The following EXOC3L2 variants were observed in gnomAD, a reference collection of about 807,000 sequenced individuals.
EXOC3L2 encodes exocyst complex component 3 like 2, also known as exocyst complex component 3-like protein 2.
In EXOC3L2, 17 loss-of-function variants were observed where a neutral mutation model predicts 44.4. That is an observed-to-expected ratio of 0.38 (90% CI 0.26 to 0.57). The LOEUF (loss-of-function observed/expected upper bound fraction) is 0.57, where lower values mean the gene tolerates loss of function less well. EXOC3L2 is among the 20% of genes least tolerant of loss of function. The pLI is 0.65. For missense variants in EXOC3L2, 541 were observed against 588.4 expected, an observed-to-expected ratio of 0.92 and a Z score of 0.83; for synonymous variants, 256 against 253.7, an observed-to-expected ratio of 1.01 and a Z score of -0.09.
At chr19:45,219,868 T>A in intron 8 of EXOC3L2, among the ~76,000 whole-genome samples, 1 of 152,078 alleles carries the variant, frequency 6.6e-6, no homozygotes, top group Non-Finnish European at 1.5e-5. Flanking sequence ...GCCAGGCGGA[T>A]CTCATTGGAA....
rs751543675 is a variant in EXOC3L2 at position 45,227,752 on chromosome 19, C to T, written c.1493G>A (p.Arg498Gln). The T allele has an allele frequency of 6.2e-6, 10 of 1,612,122 alleles. No homozygotes were observed. Among genetic ancestry groups the T allele is most frequent in the East Asian group, 4.5e-5 (2 of 44,852 alleles). The change falls in exon 7 of 12, where the codon CGA becomes CAA. Residue 498 changes from arginine (R) to glutamine (Q), a missense_variant. Physicochemically the swap from Arg to Gln is conservative, Grantham distance 43. Coordinates refer to ENST00000413988, the MANE Select transcript of EXOC3L2 (RefSeq NM_001382422.1). ...CCGGACTGCTGGGTTCTCATGGAAT[C>T]GCTCCACACGCTGCTGGAAGCTGGT... Reference protein sequence around the residue: ...FLQSFQQRVERFHENPAVREM... With the variant: ...FLQSFQQRVEQFHENPAVREM...
chr19:45,223,345 G>GT (rs918433764), intron 8 of EXOC3L2, among the ~76,000 whole-genome samples: 58 of 150,256 alleles, frequency 3.9e-4, no homozygotes, highest in African/African-American at 1.3e-3. Flanking sequence ...AGGGGCTTCT[G>GT]TTTTTTTGTT....
chr19:45,243,214 T>G (rs929642648), intron 1 of EXOC3L2, among the ~76,000 whole-genome samples: 1 of 152,222 alleles, frequency 6.6e-6, no homozygotes, highest in Non-Finnish European at 1.5e-5. Flanking sequence ...ATATGAATTG[T>G]GTAAAGGGTC....
At chr19:45,239,688 G>A (rs1190565952) in intron 1 of EXOC3L2, among the ~76,000 whole-genome samples, 1 of 151,752 alleles carries the variant, frequency 6.6e-6, no homozygotes, top group African/African-American at 2.4e-5. Flanking sequence ...ACAAGGCTAA[G>A]TTTTATATTT....
At chr19:45,215,774 C>T (rs1176597854) in intron 11 of EXOC3L2, among the ~76,000 whole-genome samples, 3 of 152,168 alleles carry the variant, frequency 2.0e-5, no homozygotes, top group Non-Finnish European at 4.4e-5. Flanking sequence ...GAGTCCCCTG[C>T]GGCTCCCCTG....
At position 45,234,315 on chromosome 19, in the gene EXOC3L2, G is replaced by C. The variant is rs1420099748; in HGVS notation, c.1035C>G (p.Phe345Leu). ...CGTGGTAGCCGCGCAGGTAGACGCC[G>C]AAGGCGCCCAGGCCGGCGGGGTAGG... ...APAYPAGLGA[F>L]GVYLRGYHGA... The change falls in exon 3 of 12, where the codon TTC (phenylalanine) becomes TTG (leucine). Residue 345 changes from phenylalanine (F) to leucine (L), a missense_variant. By Grantham distance (22) the Phe-to-Leu change is conservative. Transcript: ENST00000413988. The surrounding 1 kb of genome is among the most constrained non-coding windows in gnomAD (Gnocchi z 5.0). 5.2e-6 allele frequency: 2 copies of C among 383,420 alleles called. No individual in the cohort carries two copies. The highest frequency in any genetic ancestry group is 9.0e-5 in the Admixed American group (2 of 22,114). 23.8% of individuals were successfully genotyped at this position (383,420 alleles called of 1,614,324 possible).
intron 8 of EXOC3L2, among the ~76,000 whole-genome samples, chr19:45,221,025 C>T (rs1332646306): frequency 7.3e-6 from 1 of 136,966 alleles, no homozygotes; most frequent in Admixed American, 7.8e-5. Flanking sequence ...GGGTCTCTCC[C>T]TGAGACAGGG....
intron 7 of EXOC3L2, among the ~76,000 whole-genome samples, chr19:45,225,969 T>C (rs1028837389): frequency 6.6e-6 from 1 of 152,196 alleles, no homozygotes; most frequent in African/African-American, 2.4e-5. Context: ...AATGGTAGAA[T>C]AGTATACCCA....
rs1599761505 is a variant in EXOC3L2 at position 45,220,722 on chromosome 19, G to A, written c.1720-2403C>T. Among the ~76,000 whole-genome samples the A allele has an allele frequency of 2.6e-5, 4 of 151,954 alleles. No individual in the cohort carries two copies. In the South Asian group the frequency reaches 8.3e-4, roughly 32 times the overall value. ...CATGGCCTCCTGGGCTTGGGGAGAA[G>A]CCCCAGCTTTCTCCTGAGGGCACTA... On this transcript the variant is annotated intron_variant, in intron 8 of 11. Coordinates refer to ENST00000413988, the MANE Select transcript of EXOC3L2 (RefSeq NM_001382422.1).
At chr19:45,226,597 C>T (rs2122972166) in intron 7 of EXOC3L2, among the ~76,000 whole-genome samples, 1 of 151,924 alleles carries the variant, frequency 6.6e-6, no homozygotes, top group South Asian at 2.1e-4. Flanking sequence ...CCATCATGCC[C>T]AGCTAATTTT....
chr19:45,213,674 G>A (rs913403823), intron 11 of EXOC3L2, among the ~76,000 whole-genome samples: 5 of 152,092 alleles, frequency 3.3e-5, no homozygotes, highest in South Asian at 2.1e-4. Flanking sequence ...GCTGGGTGCC[G>A]TGGCTCATGC....
chr19:45,237,994 T>G (rs898305807), intron 2 of EXOC3L2, among the ~76,000 whole-genome samples: 5 of 151,854 alleles, frequency 3.3e-5, no homozygotes, highest in Non-Finnish European at 5.9e-5. Context: ...AGTACAAAAA[T>G]TATCCAGGTG....
chr19:45,234,145 G>A lies in EXOC3L2; in HGVS notation c.1157+48C>T, dbSNP rs1274199309. The A allele has an allele frequency of 3.6e-5, 14 of 387,964 alleles. No individual in the cohort carries two copies. Among genetic ancestry groups the A allele is most frequent in the East Asian group, 1.1e-4 (3 of 27,220 alleles). The allele number at this position is 387,964 out of a possible 1,614,324, so 24.0% of individuals were successfully genotyped here. A position where few individuals can be genotyped will look rare whatever the true frequency, so the allele number is the denominator to read the frequency against. ...GGTCTGAAGAAGCCAGTGCTAGGGG[G>A]TAGGGCTGAGGGTTTCACGTGACCT... On this transcript the variant is annotated intron_variant, in intron 3 of 11. Coordinates refer to ENST00000413988, the MANE Select transcript of EXOC3L2 (RefSeq NM_001382422.1). This position sits in a 1 kb window ranked among gnomAD's most constrained non-coding sequence, Gnocchi z 5.0.
chr19:45,213,008 A>G lies in EXOC3L2; in HGVS notation c.*61T>C. The G allele has an allele frequency of 2.1e-6, 3 of 1,420,242 alleles. No homozygotes were observed. The highest frequency in any genetic ancestry group is 2.7e-6 in the Non-Finnish European group (3 of 1,092,330). The allele number at this position is 1,420,242 out of a possible 1,614,324, so 88.0% of individuals were successfully genotyped here. A position where few individuals can be genotyped will look rare whatever the true frequency, so the allele number is the denominator to read the frequency against. ...GGCAGGGAGTCAGGAGGGGCGCCGT[A>G]CGGGAGGTTGGCTTGTCAGCAGCAT... On this transcript the variant is annotated 3_prime_UTR_variant, in exon 12 of 12. Coordinates refer to ENST00000413988, the MANE Select transcript of EXOC3L2 (RefSeq NM_001382422.1).
In EXOC3L2 at chr19:45,231,777, C is replaced by T. The variant is rs778097506; in HGVS notation, c.1255G>A (p.Val419Ile). 1.2e-5 allele frequency: 19 copies of T among 1,609,474 alleles called. No individual in the cohort carries two copies. Among genetic ancestry groups the T allele is most frequent in the South Asian group, 6.6e-5 (6 of 90,756 alleles). Residue 419 changes from valine to isoleucine, a missense_variant, in exon 4 of 12, where the codon GTC (valine) becomes ATC (isoleucine). Physicochemically the swap from Val to Ile is conservative, Grantham distance 29. Transcript: ENST00000413988. ...GTLRGLEDEC[V>I]TDVKAQTRAA... ...GTTCCAGGTACCTTAACATCTGTGA[C>T]GCATTCATCCTCCAAACCCCGCAGG...
At position 45,224,775 on chromosome 19, in the gene EXOC3L2, C is replaced by A; in HGVS notation, c.1719+3G>T. ...CCCAACCCTGGCCTCCCACCTCACT[C>A]ACCTGCAGCTCCTGGAACAGCAGGT... On this transcript the variant is annotated splice_donor_region_variant and intron_variant, in intron 8 of 11. Transcript: ENST00000413988. 1.3e-6 allele frequency: 2 copies of A among 1,551,748 alleles called. No individual in the cohort carries two copies. Among genetic ancestry groups the A allele is most frequent in the South Asian group, 1.2e-5 (1 of 84,210 alleles).
chr19:45,231,264 T>C (rs1047896919), intron 4 of EXOC3L2, among the ~76,000 whole-genome samples: 1 of 152,120 alleles, frequency 6.6e-6, no homozygotes, highest in African/African-American at 2.4e-5. Context: ...TGGGCCATTC[T>C]GCTCAGCGGT....
chr19:45,240,029 C>T (rs1158221727), intron 1 of EXOC3L2, among the ~76,000 whole-genome samples: 2 of 151,908 alleles, frequency 1.3e-5, no homozygotes, highest in African/African-American at 4.8e-5. Flanking sequence ...TTGATTTGTA[C>T]CCTTGTCATC....
chr19:45,213,344 C>T lies in EXOC3L2; in HGVS notation c.2134G>A (p.Ala712Thr), dbSNP rs1401275790. ...AGGCCACGGATGTCGAGGAGGGCTGCCACGTGCTTCTGCCTGTGGGGAGAG... is the reference window on the plus strand; with the variant it reads ...AGGCCACGGATGTCGAGGAGGGCTGTCACGTGCTTCTGCCTGTGGGGAGAG... Reference protein sequence around the residue: ...DYPDIRQKHVAALLDIRGLRN... With the variant: ...DYPDIRQKHVTALLDIRGLRN... Residue 712 changes from alanine to threonine, a missense_variant, in exon 12 of 12, where the codon GCA becomes ACA. Transcript: ENST00000413988. The T allele has an allele frequency of 6.2e-7, 1 of 1,613,256 alleles. No individual in the cohort carries two copies. Among genetic ancestry groups the T allele is most frequent in the Non-Finnish European group, 8.5e-7 (1 of 1,179,708 alleles).
Sources: allele counts gnomAD v4.1 joint callset (sites outside exome capture counted in the v4.1 genomes callset), GRCh38; gene constraint gnomAD v4.1.1; non-coding constraint Gnocchi (gnomAD v3.1); transcripts MANE v1.5; gene names NCBI Gene and HGNC (gene_info 2026-07-23, HGNC 2026-07-21).